VWA3B: variants seen among roughly 807,000 people sequenced by gnomAD.
The protein encoded by VWA3B is von Willebrand factor A domain-containing protein 3B.
In VWA3B, 138 loss-of-function variants were observed where a neutral mutation model predicts 158.3. The observed-to-expected ratio is 0.87, with a 90% CI of 0.76 to 1.00. The LOEUF is 1.00. Among genes scored for constraint, VWA3B ranks in the 50% least tolerant of loss-of-function variants. VWA3B has a pLI of 0.00. For synonymous variants in VWA3B, 596 were observed against 587.3 expected, an observed-to-expected ratio of 1.01 and a Z score of -0.21; for missense variants, 1,555 against 1,565.1, an observed-to-expected ratio of 0.99 and a Z score of 0.11.
At chr2:98,274,646 G>A (rs1385545000) in intron 22 of VWA3B, among the ~76,000 whole-genome samples, 4 of 152,210 alleles carry the variant, frequency 2.6e-5, no homozygotes, top group Admixed American at 1.3e-4. Flanking sequence ...TTTGAACTCT[G>A]TTGGGGTCAG....
chr2:98,208,212 C>T (rs974185350), intron 12 of VWA3B, among the ~76,000 whole-genome samples: 2 of 151,822 alleles, frequency 1.3e-5, no homozygotes, highest in Admixed American at 6.6e-5. Context: ...TTGCGTAATA[C>T]GTTTTTTCCA....
chr2:98,313,024 T>C lies in VWA3B; in HGVS notation c.*675T>C, dbSNP rs545356289. 2.6e-5 allele frequency: 4 copies of C among 152,360 alleles called. No homozygotes were observed. The highest frequency in any genetic ancestry group is 9.6e-5 in the African/African-American group (4 of 41,588). 9.4% of individuals were successfully genotyped at this position (152,360 alleles called of 1,614,324 possible). A position where few individuals can be genotyped will look rare whatever the true frequency, so the allele number is the denominator to read the frequency against. On this transcript the variant is annotated 3_prime_UTR_variant, in exon 28 of 28. Coordinates refer to ENST00000477737, the MANE Select transcript of VWA3B (RefSeq NM_144992.5). The stretch of plus-strand genomic sequence containing the variant: ...TGACATATGAAAGTATTCAGTTGTG[T>C]TTACTAACTTCAAAAATGAAATCGC...
At chr2:98,180,813 G>A (rs999837430) in intron 8 of VWA3B, among the ~76,000 whole-genome samples, 1 of 152,210 alleles carries the variant, frequency 6.6e-6, no homozygotes, top group Non-Finnish European at 1.5e-5. Context: ...TGAATTATTA[G>A]GTTGGTGCAA....
rs542889585 is a variant in VWA3B at position 98,282,924 on chromosome 2, AG to A, written c.3046-7582del. On this transcript the variant is annotated intron_variant, in intron 22 of 27. Coordinates refer to ENST00000477737, the MANE Select transcript of VWA3B (RefSeq NM_144992.5). ...TGCTACCATTCACTGTCACCCAGGC[AG>A]GGGGAAGCTCTTCACAGAGTGAATG... 5.3e-5 allele frequency among the ~76,000 whole-genome samples: 8 copies of A among 152,340 alleles called. No homozygotes were observed. The East Asian group carries it at 1.3e-3, about 26-fold the overall frequency.
intron 13 of VWA3B, among the ~76,000 whole-genome samples, chr2:98,213,135 A>C (rs1254613607): frequency 1.3e-5 from 2 of 152,204 alleles, no homozygotes; most frequent in African/African-American, 2.4e-5. Flanking sequence ...GGAACAGAAG[A>C]CACTGTTGAT....
intron 12 of VWA3B, among the ~76,000 whole-genome samples, chr2:98,200,126 T>C (rs1682402225): frequency 6.6e-6 from 1 of 152,236 alleles, no homozygotes; most frequent in South Asian, 2.1e-4. Context: ...TTCATGCTTA[T>C]TAGGCATCTG....
chr2:98,316,622 G>A (rs918900478), downstream of VWA3B, among the ~76,000 whole-genome samples: 2 of 150,818 alleles, frequency 1.3e-5, no homozygotes, highest in African/African-American at 4.9e-5. Context: ...ACCCCAGCGT[G>A]GGCAACAAAG....
At chr2:98,268,753 C>T (rs867017221) in intron 21 of VWA3B, among the ~76,000 whole-genome samples, 1 of 151,256 alleles carries the variant, frequency 6.6e-6, no homozygotes, top group Non-Finnish European at 1.5e-5. Flanking sequence ...ATTCTGATAC[C>T]CAGATTTAAG....
chr2:98,140,065 C>A (rs562487754), intron 7 of VWA3B, among the ~76,000 whole-genome samples: 1 of 152,040 alleles, frequency 6.6e-6, no homozygotes, highest in Non-Finnish European at 1.5e-5. Flanking sequence ...TGAAGGTCTG[C>A]GGCTTCACTC....
At chr2:98,320,589 C>G in the VWA3B span, among the ~76,000 whole-genome samples, 1 of 152,270 alleles carries the variant, frequency 6.6e-6, no homozygotes, top group East Asian at 1.9e-4. Context: ...CTGTGGTGGA[C>G]TCAGATGGAG....
At chr2:98,221,029 A>G (rs1278116817) in intron 14 of VWA3B, among the ~76,000 whole-genome samples, 1 of 152,148 alleles carries the variant, frequency 6.6e-6, no homozygotes, top group Non-Finnish European at 1.5e-5. Context: ...GTGGGGCTTA[A>G]TACCTAGGTG....
rs1218794768 is a variant in VWA3B at position 98,312,677 on chromosome 2, G to A, written c.*328G>A. On this transcript the variant is annotated 3_prime_UTR_variant, in exon 28 of 28. Transcript: ENST00000477737. ...TGTCACAGGACTTTCAAATTGTTTA[G>A]CAGTCAGCATAGTCAGGATCCAAGC... is the stretch of plus-strand genomic sequence containing the variant. The A allele has an allele frequency of 3.8e-6, 1 of 263,762 alleles. No individual in the cohort carries two copies. Among genetic ancestry groups the A allele is most frequent in the Non-Finnish European group, 7.2e-6 (1 of 139,006 alleles). The allele number at this position is 263,762 out of a possible 1,614,324, so 16.3% of individuals were successfully genotyped here.
chr2:98,227,340 G>T (rs1160822160), intron 14 of VWA3B, among the ~76,000 whole-genome samples: 2 of 152,132 alleles, frequency 1.3e-5, no homozygotes, highest in Admixed American at 6.5e-5. Context: ...GCTTACAAGG[G>T]ACGTGAAGGA....
At chr2:98,322,764 C>T in the VWA3B span, among the ~76,000 whole-genome samples, 1 of 152,162 alleles carries the variant, frequency 6.6e-6, no homozygotes, top group Admixed American at 6.5e-5. Context: ...AGAGTGAGCC[C>T]TCAAAGCTGC....
intron 25 of VWA3B, 48 bp downstream of exon 25, chr2:98,300,264 G>C (rs750352037): frequency 6.2e-7 from 1 of 1,607,952 alleles, no homozygotes; most frequent in East Asian, 2.2e-5. Flanking sequence ...GGCAATGCCA[G>C]GCTGTATCCT....
At chr2:98,163,266 G>T (rs377024290) in intron 8 of VWA3B, among the ~76,000 whole-genome samples, 1 of 152,258 alleles carries the variant, frequency 6.6e-6, no homozygotes, top group African/African-American at 2.4e-5. Flanking sequence ...TGGGCCGGGC[G>T]CGGTGGCTCA....
rs765279126 is a variant in VWA3B at position 98,311,935 on chromosome 2, A to C, written c.3638A>C (p.Lys1213Thr). The change falls in exon 27 of 28, where the codon AAG (lysine) becomes ACG (threonine). Residue 1213 changes from lysine (K) to threonine (T), a missense_variant. Lys to Thr is a moderately conservative substitution (Grantham distance 78). Transcript: ENST00000477737. ...EKPRRKKRPA[K>T]QPLQQAAPSD... ...CCCAGGAGGAAAAAGAGGCCCGCCA[A>C]GCAGCCACTCCAGCAGGCGGCGCCC... The C allele has an allele frequency of 6.2e-7, 1 of 1,607,224 alleles. No homozygotes were observed. The highest frequency in any genetic ancestry group is 1.1e-5 in the South Asian group (1 of 90,126).
intron 19 of VWA3B, among the ~76,000 whole-genome samples, chr2:98,241,746 T>G (rs1686087210): frequency 1.3e-5 from 2 of 152,016 alleles, no homozygotes; most frequent in African/African-American, 4.8e-5. Flanking sequence ...GCACTTGTGC[T>G]TGGTGCCTTC....
chr2:98,103,103 C>CATTCTTTTTTAATGCCTGTAGA, intron 2 of VWA3B, among the ~76,000 whole-genome samples: 1 of 152,240 alleles, frequency 6.6e-6, no homozygotes, highest in African/African-American at 2.4e-5. Flanking sequence ...TCACCTCTTT[C>CATTCTTTTTTAATGCCTGTAGA]ATTCTTTTTT....
Sources: allele counts gnomAD v4.1 joint callset (sites outside exome capture counted in the v4.1 genomes callset), GRCh38; gene constraint gnomAD v4.1.1; transcripts MANE v1.5; gene names NCBI Gene and HGNC (gene_info 2026-07-23, HGNC 2026-07-21).